PTGR1: variants seen among roughly 807,000 people sequenced by gnomAD.
The protein encoded by PTGR1 is prostaglandin reductase 1.
Under a neutral mutation model 37.7 loss-of-function variants are expected in PTGR1, and 23 were observed. The ratio of observed to expected loss-of-function variants is 0.61; its 90% CI spans 0.44 to 0.86. The LOEUF (loss-of-function observed/expected upper bound fraction) is 0.86, where lower values mean the gene tolerates loss of function less well. PTGR1 is among the 40% of genes least tolerant of loss of function. The pLI is 0.00. For synonymous variants in PTGR1, 134 were observed against 140.0 expected (o/e 0.96, Z 0.30); for missense variants, 351 against 394.3 (o/e 0.89, Z 0.93).
intron 1 of PTGR1, among the ~76,000 whole-genome samples, chr9:111,598,366 T>C (rs1175421450): frequency 6.6e-6 from 1 of 152,084 alleles, no homozygotes. Flanking sequence ...CTGCCAGTGA[T>C]CTCCCCAGCT....
intron 9 of PTGR1, among the ~76,000 whole-genome samples, chr9:111,554,057 C>T (rs987273400): frequency 6.6e-6 from 1 of 152,192 alleles, no homozygotes; most frequent in Non-Finnish European, 1.5e-5. Context: ...AGGTTTCAAA[C>T]TCGGTGCCAA....
At chr9:111,586,268 T>C (rs2132416727) in intron 4 of PTGR1, 103 bp from the exon 5 acceptor site, 1 of 1,132,430 alleles carries the variant, frequency 8.8e-7, no homozygotes, top group East Asian at 2.4e-5. Context: ...TGCACTGAGG[T>C]TGATATTCCA....
chr9:111,564,176 A>G, intron 9 of PTGR1: 1 of 1,002,448 alleles, frequency 1.0e-6, no homozygotes, highest in Non-Finnish European at 1.2e-6. Flanking sequence ...GTTTTTCGCT[A>G]ATGTATTCCA....
chr9:111,567,454 GGAT>G (rs1184873804), intron 9 of PTGR1, among the ~76,000 whole-genome samples: 1 of 152,076 alleles, frequency 6.6e-6, no homozygotes, highest in African/African-American at 2.4e-5. Context: ...CAAAGTGCTG[GGAT>G]TACAAGTGTG....
At chr9:111,558,954 C>A (rs947750664), downstream of PTGR1, among the ~76,000 whole-genome samples, 2 of 152,124 alleles carry the variant, frequency 1.3e-5, no homozygotes, top group Non-Finnish European at 2.9e-5. Flanking sequence ...CACCACTACC[C>A]CCTCTCCTGC....
intron 6 of PTGR1, among the ~76,000 whole-genome samples, chr9:111,580,052 G>A (rs1013247914): frequency 1.3e-5 from 2 of 152,124 alleles, no homozygotes; most frequent in African/African-American, 4.8e-5. Context: ...AAAAACTATT[G>A]CAAGAGAGCC....
intron 9 of PTGR1, among the ~76,000 whole-genome samples, chr9:111,554,347 T>C (rs1017337496): frequency 3.9e-5 from 6 of 152,232 alleles, no homozygotes; most frequent in Non-Finnish European, 8.8e-5. Flanking sequence ...ATCAATCATA[T>C]AACCCTAACC....
chr9:111,598,034 T>G (rs935314013), intron 1 of PTGR1, among the ~76,000 whole-genome samples: 2 of 152,034 alleles, frequency 1.3e-5, no homozygotes, highest in Non-Finnish European at 2.9e-5. Flanking sequence ...TCTCTTTTCT[T>G]GTAGAGAGGA....
chr9:111,588,067 G>A (rs995452976), intron 4 of PTGR1, among the ~76,000 whole-genome samples: 1 of 148,540 alleles, frequency 6.7e-6, no homozygotes, highest in Non-Finnish European at 1.5e-5. Flanking sequence ...AGGCTGGAGT[G>A]TAGTGGTGCG....
At chr9:111,590,772 C>T (rs953045712) in intron 4 of PTGR1, among the ~76,000 whole-genome samples, 5 of 152,030 alleles carry the variant, frequency 3.3e-5, no homozygotes, top group Non-Finnish European at 7.4e-5. Flanking sequence ...AATACTCATC[C>T]AAGAGGGTAA....
chr9:111,559,374 C>T (rs1350624751), downstream of PTGR1, among the ~76,000 whole-genome samples: 1 of 152,020 alleles, frequency 6.6e-6, no homozygotes, highest in Non-Finnish European at 1.5e-5. Context: ...TTCCAATGCC[C>T]TTCTCACCCT....
downstream of PTGR1, among the ~76,000 whole-genome samples, chr9:111,561,444 A>G (rs1032923500): frequency 3.3e-5 from 5 of 151,648 alleles, no homozygotes; most frequent in African/African-American, 1.2e-4. Flanking sequence ...AGCTAATTTG[A>G]AAATTTTTTG....
At chr9:111,590,501 G>A (rs1829577880) in intron 4 of PTGR1, among the ~76,000 whole-genome samples, 1 of 152,104 alleles carries the variant, frequency 6.6e-6, no homozygotes, top group African/African-American at 2.4e-5. Context: ...TAGGATTACA[G>A]ATGCCCATCA....
At chr9:111,593,005 A>G (rs1486610340) in intron 3 of PTGR1, 23 bp from the exon 4 acceptor site, 1 of 1,527,008 alleles carries the variant, frequency 6.5e-7, no homozygotes. Context: ...AAAAAAAAAA[A>G]AAAAAAAAAA....
At chr9:111,555,081 A>G (rs138742251) in intron 9 of PTGR1, among the ~76,000 whole-genome samples, 308 of 152,296 alleles carry the variant, frequency 2.0e-3, no homozygotes, top group African/African-American at 7.1e-3. Context: ...GGCACGCCAC[A>G]TGGTGGGATA....
intron 6 of PTGR1, among the ~76,000 whole-genome samples, chr9:111,580,162 TTCTA>T (rs1263315431): frequency 6.6e-6 from 1 of 152,206 alleles, no homozygotes; most frequent in Non-Finnish European, 1.5e-5. Context: ...AATCTATTAA[TTCTA>T]TCTATTAATG....
downstream of PTGR1, among the ~76,000 whole-genome samples, chr9:111,559,629 A>AACACACACACACATACAGC (rs1483048401): frequency 1.4e-5 from 2 of 147,054 alleles, no homozygotes; most frequent in East Asian, 2.0e-4. Flanking sequence ...ATACATATAT[A>AACACACACACACATACAGC]ACACACACAC....
intron 9 of PTGR1, among the ~76,000 whole-genome samples, chr9:111,553,994 T>C (rs1828045964): frequency 6.6e-6 from 1 of 152,232 alleles, no homozygotes; most frequent in South Asian, 2.1e-4. Flanking sequence ...AAGGAAGAAC[T>C]GGAGCATTGT....
At chr9:111,594,549 CTTTTT>C (rs71373753) in intron 2 of PTGR1, among the ~76,000 whole-genome samples, 1 of 127,218 alleles carries the variant, frequency 7.9e-6, no homozygotes. Context: ...TTTTGGCATT[CTTTTT>C]TTTTTTTTTT....
Sources: gnomAD v4.1 joint callset for allele counts (sites outside exome capture counted in the v4.1 genomes callset) on GRCh38, gnomAD v4.1.1 for gene constraint, MANE v1.5 for transcripts, NCBI Gene and HGNC (gene_info 2026-07-23, HGNC 2026-07-21) for gene names.